ALX4: variants seen among roughly 807,000 people sequenced by gnomAD.
ALX4 encodes homeobox protein aristaless-like 4.
ALX4 carries 22 observed loss-of-function variants against 40.6 expected under a neutral mutation model. The ratio of observed to expected loss-of-function variants is 0.54; its 90% CI spans 0.39 to 0.77. ALX4 has a LOEUF of 0.77. Among genes scored for constraint, ALX4 ranks in the 30% least tolerant of loss-of-function variants. The pLI is 0.00. For missense variants in ALX4, 556 were observed against 564.8 expected (o/e 0.98, Z 0.16); for synonymous variants, 266 against 240.5 (o/e 1.11, Z -0.98).
intron 1 of ALX4, among the ~76,000 whole-genome samples, chr11:44,307,027 C>T (rs544624278): frequency 6.6e-6 from 1 of 152,282 alleles, no homozygotes; most frequent in East Asian, 1.9e-4. Flanking sequence ...TGGCGTCCTG[C>T]CGGTAGTTAC....
Position 44,275,337 on chromosome 11 carries a change from C to A in ALX4, c.777+11G>T. On this transcript the variant is annotated intron_variant, in intron 2 of 3. Coordinates refer to ENST00000652299, the MANE Select transcript of ALX4 (RefSeq NM_021926.4). ...CTTTACCAGCCTCACTCCCAGGTGG[C>A]CCTCACTGACCTGCACGCGGGCCTC... 6.2e-7 allele frequency: 1 copy of A among 1,614,132 alleles called. No individual in the cohort carries two copies. The highest frequency in any genetic ancestry group is 8.5e-7 in the Non-Finnish European group (1 of 1,180,004).
chr11:44,309,600 A>G lies in ALX4; in HGVS notation c.463T>C (p.Tyr155His), dbSNP rs2119923230. 1.3e-6 allele frequency: 2 copies of G among 1,583,574 alleles called. No homozygotes were observed. Among genetic ancestry groups the G allele is most frequent in the African/African-American group, 1.3e-5 (1 of 74,202 alleles). Residue 155 changes from tyrosine to histidine, a missense_variant, in exon 1 of 4, where the codon TAC becomes CAC. Physicochemically the swap from Tyr to His is moderately conservative, Grantham distance 83 (BLOSUM62 2). Coordinates refer to ENST00000652299, the MANE Select transcript of ALX4 (RefSeq NM_021926.4). ...GGTGACCCGCACGTGCACTCACCGT[A>G]GCAGGGAACCTGCAAGGCCGCGCTG... ...GHSAALQVPC[Y>H]AKESSLGEPE... is the part of the protein sequence containing the mutation.
At chr11:44,286,351 G>A (rs928763117) in intron 1 of ALX4, among the ~76,000 whole-genome samples, 1 of 152,176 alleles carries the variant, frequency 6.6e-6, no homozygotes, top group African/African-American at 2.4e-5. Flanking sequence ...AGGAGATGGA[G>A]GGGCACAGCC....
rs867768978 is a variant in ALX4, at chr11:44,304,766, A to G, written c.466+4831T>C. Among the ~76,000 whole-genome samples the G allele has an allele frequency of 2.0e-5, 3 of 152,314 alleles. No individual in the cohort carries two copies. In the South Asian group the frequency reaches 6.2e-4, roughly 32 times the overall value. On this transcript the variant is annotated intron_variant, in intron 1 of 3. Transcript: ENST00000652299. ...CGAGAAGAAGGGACGTCCCGGAGAAAGTGCGCCCAGCTGATCTTAGAAACC... is the reference window on the plus strand; with the variant it reads ...CGAGAAGAAGGGACGTCCCGGAGAAGGTGCGCCCAGCTGATCTTAGAAACC...
In ALX4 at chr11:44,267,579, C is replaced by T. The variant is rs368050443; in HGVS notation, c.821G>A (p.Arg274His). 56 of 1,614,056 alleles carry T rather than the reference C, an allele frequency of 3.5e-5. 1 individual carries two copies. Among genetic ancestry groups the T allele is most frequent in the South Asian group, 5.5e-5 (5 of 91,080 alleles). ...TCGAACCTGCTGCATCTGCCCAAAA[C>T]GCTCCCGCTTCCTCCACTTGGCCCT... is the stretch of plus-strand genomic sequence containing the variant. ...NRRAKWRKRE[R>H]FGQMQQVRTH... The change falls in exon 3 of 4, where the codon CGT (arginine) becomes CAT (histidine). Residue 274 changes from arginine (R) to histidine (H), a missense_variant. Coordinates refer to ENST00000652299, the MANE Select transcript of ALX4 (RefSeq NM_021926.4).
chr11:44,297,544 CCTGT>C (rs1334837987), intron 1 of ALX4, among the ~76,000 whole-genome samples: 1 of 151,924 alleles, frequency 6.6e-6, no homozygotes, highest in Non-Finnish European at 1.5e-5. Context: ...ATGGAGAAAC[CCTGT>C]CTCTACTAAA....
chr11:44,276,393 C>T (rs987594244), intron 1 of ALX4, among the ~76,000 whole-genome samples: 1 of 152,258 alleles, frequency 6.6e-6, no homozygotes. Flanking sequence ...ACCTTCATCC[C>T]CAGCACGCTG....
chr11:44,303,812 C>G (rs1217804902), intron 1 of ALX4, among the ~76,000 whole-genome samples: 1 of 152,220 alleles, frequency 6.6e-6, no homozygotes, highest in Non-Finnish European at 1.5e-5. Context: ...TTTTTGTCAT[C>G]CTTTCTGAGG....
chr11:44,267,960 C>A (rs1468048829), intron 2 of ALX4, among the ~76,000 whole-genome samples: 2 of 152,204 alleles, frequency 1.3e-5, no homozygotes, highest in South Asian at 2.1e-4. Context: ...TAAGCAGACT[C>A]CTGTGGAGAA....
At chr11:44,303,012 G>A (rs1216018642) in intron 1 of ALX4, among the ~76,000 whole-genome samples, 4 of 147,622 alleles carry the variant, frequency 2.7e-5, no homozygotes, top group African/African-American at 1.0e-4. Flanking sequence ...GAGGAGTAGA[G>A]AATGCAAAGG....
intron 1 of ALX4, among the ~76,000 whole-genome samples, chr11:44,297,637 GC>G (rs1956410561): frequency 6.6e-6 from 1 of 152,108 alleles, no homozygotes; most frequent in African/African-American, 2.4e-5. Flanking sequence ...GATCACTTAA[GC>G]CTGGGAGGCA....
At chr11:44,266,689 G>T (rs906545156) in intron 3 of ALX4, among the ~76,000 whole-genome samples, 2 of 152,150 alleles carry the variant, frequency 1.3e-5, no homozygotes, top group Non-Finnish European at 2.9e-5. Context: ...AGCCGCTTCT[G>T]CTGGGCAGGC....
At chr11:44,276,018 T>C (rs1348432264) in intron 1 of ALX4, among the ~76,000 whole-genome samples, 1 of 152,196 alleles carries the variant, frequency 6.6e-6, no homozygotes, top group African/African-American at 2.4e-5. Context: ...AGGACTTTTC[T>C]GGGGCCCGAG....
intron 2 of ALX4, among the ~76,000 whole-genome samples, chr11:44,271,219 C>T (rs1346622970): frequency 6.6e-6 from 1 of 152,226 alleles, no homozygotes; most frequent in Non-Finnish European, 1.5e-5. Context: ...ATGAAGATCC[C>T]ACCCACCCTG....
At chr11:44,275,731 G>C (rs2135314274) in intron 1 of ALX4, 73 bp from the exon 2 acceptor site, 1 of 1,475,990 alleles carries the variant, frequency 6.8e-7, no homozygotes, top group South Asian at 1.3e-5. Flanking sequence ...CAGGGGGAGA[G>C]TGGGGCACTC....
chr11:44,276,496 G>T (rs1016697072), intron 1 of ALX4, among the ~76,000 whole-genome samples: 1 of 152,200 alleles, frequency 6.6e-6, no homozygotes, highest in Non-Finnish European at 1.5e-5. Context: ...CCTAGCTCAG[G>T]ACTGCAAGGA....
chr11:44,275,248 A>G, intron 2 of ALX4, 100 bp downstream of exon 2: 2 of 1,241,662 alleles, frequency 1.6e-6, no homozygotes, highest in Non-Finnish European at 2.3e-6. Flanking sequence ...AAGGAAAGCC[A>G]TGGTGTGGTT....
Position 44,309,719 on chromosome 11 carries a change from T to G in ALX4, c.344A>C (p.Gln115Pro), listed in dbSNP as rs762839322. 2.5e-6 allele frequency: 4 copies of G among 1,569,508 alleles called. No homozygotes were observed. The East Asian group carries it at 9.5e-5, about 37-fold the overall frequency. ...GTAAAGATGCGGTTGCGCGGGCGGCTGGGGCTGCGGCTGCTGCTGCTGCGG... is the reference window on the plus strand; with the variant it reads ...GTAAAGATGCGGTTGCGCGGGCGGCGGGGGCTGCGGCTGCTGCTGCTGCGG... ...PQPQQQQPQP[Q>P]PPAQPHLYLQ... The change falls in exon 1 of 4, where the codon CAG becomes CCG. Residue 115 changes from glutamine to proline, a missense_variant. Gln to Pro is a moderately conservative substitution (Grantham distance 76, BLOSUM62 -1). Coordinates refer to ENST00000652299, the MANE Select transcript of ALX4 (RefSeq NM_021926.4).
intron 1 of ALX4, among the ~76,000 whole-genome samples, chr11:44,307,642 T>C (rs1194237401): frequency 6.6e-6 from 1 of 152,208 alleles, no homozygotes; most frequent in African/African-American, 2.4e-5. Flanking sequence ...TGAACCTCCA[T>C]GGGTCCCCTA....
Sources: allele counts gnomAD v4.1 joint callset (sites outside exome capture counted in the v4.1 genomes callset), GRCh38; gene constraint gnomAD v4.1.1; transcripts MANE v1.5; gene names NCBI Gene and HGNC (gene_info 2026-07-23, HGNC 2026-07-21).